EVL: variants seen among roughly 807,000 people sequenced by gnomAD.
The protein encoded by EVL is Enah/Vasp-like, also known as ena/VASP-like protein.
Under a neutral mutation model 59.6 loss-of-function variants are expected in EVL, and 21 were observed. The ratio of observed to expected loss-of-function variants is 0.35; its 90% CI spans 0.25 to 0.51. EVL has a LOEUF of 0.51. Among genes scored for constraint, EVL ranks in the 20% least tolerant of loss-of-function variants. The probability of loss-of-function intolerance (pLI) is 0.97; values close to 1 mark genes in which losing one functional copy is unlikely to be tolerated. For missense variants in EVL, 462 were observed against 546.6 expected (o/e 0.85, Z 1.54); for synonymous variants, 198 against 203.5 (o/e 0.97, Z 0.23).
In EVL at chr14:100,065,511, G is replaced by A; in HGVS notation, c.11G>A (p.Ser4Asn). Residue 4 changes from serine to asparagine, a missense_variant and splice_region_variant, in exon 1 of 14, where the codon AGT (serine) becomes AAT (asparagine). Physicochemically the swap from Ser to Asn is conservative, Grantham distance 46. Coordinates refer to ENST00000392920, the MANE Select transcript of EVL (RefSeq NM_016337.3). MATSEQSICQARAS... is the reference protein window; with the variant it reads MATNEQSICQARAS... ...TGCCACTTTTCAGCCATGGCCACAA[G>A]GTGAGTATTGGAACCAGTGCAGGGG... 1 of 1,522,898 alleles carries A rather than the reference G, an allele frequency of 6.6e-7. No homozygotes were observed. Among genetic ancestry groups the A allele is most frequent in the Non-Finnish European group, 8.9e-7 (1 of 1,124,178 alleles). The allele number at this position is 1,522,898 out of a possible 1,614,324, so 94.3% of individuals were successfully genotyped here. A position where few individuals can be genotyped will look rare whatever the true frequency, so the allele number is the denominator to read the frequency against.
intron 1 of EVL, among the ~76,000 whole-genome samples, chr14:99,990,690 C>G (rs2060869765): frequency 6.6e-6 from 1 of 152,060 alleles, no homozygotes; most frequent in Non-Finnish European, 1.5e-5. Context: ...TTTTTAAAGG[C>G]TGCAAAATAT....
chr14:100,080,692 A>G (rs1258422376), intron 1 of EVL, among the ~76,000 whole-genome samples: 1 of 152,222 alleles, frequency 6.6e-6, no homozygotes, highest in African/African-American at 2.4e-5. Context: ...CCTTCCCCCA[A>G]GAGAGAAATT....
At chr14:100,083,166 C>T (rs2062350144) in intron 1 of EVL, among the ~76,000 whole-genome samples, 1 of 152,214 alleles carries the variant, frequency 6.6e-6, no homozygotes, top group South Asian at 2.1e-4. Flanking sequence ...TTAACCAAGA[C>T]CATGCTGCAT....
chr14:100,089,560 T>C (rs1416082919), intron 2 of EVL, among the ~76,000 whole-genome samples: 2 of 152,188 alleles, frequency 1.3e-5, no homozygotes, highest in African/African-American at 4.8e-5. Flanking sequence ...CAGTGTAAAC[T>C]AGAAAATATT....
intron 1 of EVL, among the ~76,000 whole-genome samples, chr14:99,995,843 C>G (rs576027798): frequency 6.6e-6 from 1 of 152,118 alleles, no homozygotes; most frequent in Middle Eastern, 3.4e-3. Context: ...TGAGGTTTAC[C>G]TATTTGTACT....
chr14:99,977,375 C>T (rs2060777073), intron 1 of EVL: 1 of 151,986 alleles, frequency 6.6e-6, no homozygotes, highest in Non-Finnish European at 1.5e-5. Context: ...TCTAACCAGT[C>T]CTCCTGAATA....
At position 99,977,686 on chromosome 14, in the gene EVL, G is replaced by A. The variant is rs199910869; in HGVS notation, c.5+5629G>A. 3.0e-4 allele frequency among the ~76,000 whole-genome samples: 45 copies of A among 151,580 alleles called. No individual in the cohort carries two copies. In the East Asian group the frequency reaches 6.2e-3, roughly 21 times the overall value. On this transcript the variant is annotated intron_variant, in intron 1 of 13. Coordinates refer to the EVL transcript ENST00000402714. ...CCTGACCTCGTGATTCGCCCACCTCGGCCCCCCAAAGTGCTGGGATTATAG... is the reference window on the plus strand; with the variant it reads ...CCTGACCTCGTGATTCGCCCACCTCAGCCCCCCAAAGTGCTGGGATTATAG...
At chr14:100,038,776 GTGTGT>G (rs2061425729) in intron 1 of EVL, among the ~76,000 whole-genome samples, 2 of 150,030 alleles carry the variant, frequency 1.3e-5, no homozygotes, top group Non-Finnish European at 3.0e-5. Flanking sequence ...CCTGGGGTGT[GTGTGT>G]GTGTGTGTGT....
intron 1 of EVL, among the ~76,000 whole-genome samples, chr14:100,008,387 G>A (rs959845173): frequency 1.4e-4 from 21 of 152,130 alleles, no homozygotes; most frequent in Admixed American, 1.1e-3. Context: ...AAGGTGCTGC[G>A]TTTTTCTGTT....
chr14:100,094,869 G>C (rs914549435), intron 2 of EVL, among the ~76,000 whole-genome samples: 1 of 151,966 alleles, frequency 6.6e-6, no homozygotes, highest in African/African-American at 2.4e-5. Flanking sequence ...GTGAAGCCCC[G>C]TCTCTACTAA....
intron 1 of EVL, among the ~76,000 whole-genome samples, chr14:100,031,343 A>G (rs932610121): frequency 3.3e-5 from 5 of 152,204 alleles, no homozygotes; most frequent in Admixed American, 2.0e-4. Flanking sequence ...TGGAAACCCT[A>G]GGTTCTAATG....
intron 3 of EVL, among the ~76,000 whole-genome samples, chr14:100,103,930 T>C (rs1160182298): frequency 6.6e-6 from 1 of 152,202 alleles, no homozygotes; most frequent in African/African-American, 2.4e-5. Context: ...GTGCTGTGGG[T>C]ATATGCATGC....
At position 100,144,097 on chromosome 14, in the gene EVL, C is replaced by T. The variant is rs773148077; in HGVS notation, c.*359C>T. ...CTGTTAGCGCCTCAGCTGGCGGTGA[C>T]AGCCGGCCCAGCGTGGCGCCACCAC... is the stretch of plus-strand genomic sequence containing the variant. On this transcript the variant is annotated 3_prime_UTR_variant, in exon 14 of 14. Coordinates refer to ENST00000392920, the MANE Select transcript of EVL (RefSeq NM_016337.3). 42 of 336,352 alleles carry T rather than the reference C, an allele frequency of 1.2e-4. No individual in the cohort carries two copies. Among genetic ancestry groups the T allele is most frequent in the Non-Finnish European group, 1.9e-4 (35 of 180,608 alleles). The allele number at this position is 336,352 out of a possible 1,614,324, so 20.8% of individuals were successfully genotyped here. A position where few individuals can be genotyped will look rare whatever the true frequency, so the allele number is the denominator to read the frequency against.
rs912771445 is a variant in EVL at position 100,109,939 on chromosome 14, C to T, written c.358+12281C>T. 4.6e-5 allele frequency among the ~76,000 whole-genome samples: 7 copies of T among 152,174 alleles called. No homozygotes were observed. Among genetic ancestry groups the T allele is most frequent in the Admixed American group, 1.3e-4 (2 of 15,282 alleles). On this transcript the variant is annotated intron_variant, in intron 3 of 13. Transcript: ENST00000392920. The surrounding 1 kb of genome is among the most constrained non-coding windows in gnomAD (Gnocchi z 4.3). The stretch of plus-strand genomic sequence containing the variant: ...GTCACTGACCTAAGACTCAGTTTCG[C>T]CATCTGTGAAATGGCTGAATCAGAC...
At chr14:100,141,838 C>T in intron 13 of EVL, 45 bp downstream of exon 13, 1 of 1,593,500 alleles carries the variant, frequency 6.3e-7, no homozygotes, top group Middle Eastern at 1.9e-4. Context: ...GGTGTGGCCG[C>T]AGGACAAGGG....
At chr14:99,975,705 CAGG>C (rs747645535) in intron 1 of EVL, among the ~76,000 whole-genome samples, 6 of 152,194 alleles carry the variant, frequency 3.9e-5, no homozygotes, top group Non-Finnish European at 8.8e-5. Flanking sequence ...GCTCATCTGA[CAGG>C]AGGCAGACTG....
At chr14:100,116,297 A>T (rs1887341219) in intron 3 of EVL, among the ~76,000 whole-genome samples, 1 of 151,846 alleles carries the variant, frequency 6.6e-6, no homozygotes, top group African/African-American at 2.4e-5. Context: ...AGAACTTGGG[A>T]CTCTGCCCAG....
intron 2 of EVL, among the ~76,000 whole-genome samples, chr14:100,092,739 A>AAAAC (rs549428145): frequency 2.6e-5 from 4 of 152,196 alleles, no homozygotes; most frequent in South Asian, 2.1e-4. Flanking sequence ...CCATCTCAAA[A>AAAAC]AAACAAACAA....
At chr14:100,016,328 A>G (rs1050775782) in intron 1 of EVL, among the ~76,000 whole-genome samples, 3 of 152,162 alleles carry the variant, frequency 2.0e-5, no homozygotes, top group Non-Finnish European at 2.9e-5. Flanking sequence ...CAAGAGATCA[A>G]CACCATCCTG....
Sources: allele counts gnomAD v4.1 joint callset (sites outside exome capture counted in the v4.1 genomes callset), GRCh38; gene constraint gnomAD v4.1.1; non-coding constraint Gnocchi (gnomAD v3.1); transcripts MANE v1.5; gene names NCBI Gene and HGNC (gene_info 2026-07-23, HGNC 2026-07-21).